Variants in RAPGEF5 observed in about 807,000 individuals in gnomAD.
RAPGEF5 encodes the protein M-Ras-regulated GEF.
Under a neutral mutation model 125.2 loss-of-function variants are expected in RAPGEF5, and 65 were observed. The observed-to-expected ratio is 0.52, with a 90% confidence interval of 0.43 to 0.64. The LOEUF (loss-of-function observed/expected upper bound fraction) is 0.64, where lower values mean the gene tolerates loss of function less well. RAPGEF5 is among the 30% of genes least tolerant of loss of function. RAPGEF5 has a pLI of 0.00. For synonymous variants in RAPGEF5, 391 were observed against 385.9 expected, an observed-to-expected ratio of 1.01 and a Z score of -0.16; for missense variants, 958 against 1,048.1, an observed-to-expected ratio of 0.91 and a Z score of 1.19.
intron 11 of RAPGEF5, chr7:22,191,354 A>T: frequency 3.0e-6 from 1 of 336,820 alleles, no homozygotes; most frequent in South Asian, 2.3e-5. Flanking sequence ...TTTTATATAC[A>T]CATTAATCAT....
At chr7:22,219,610 A>G (rs1412598670) in intron 9 of RAPGEF5, among the ~76,000 whole-genome samples, 1 of 152,080 alleles carries the variant, frequency 6.6e-6, no homozygotes, top group African/African-American at 2.4e-5. Flanking sequence ...ATAAGGATTC[A>G]TATTTGCTTA....
At chr7:22,162,615 AC>A in intron 12 of RAPGEF5, 74 bp from the exon 13 acceptor site, 1 of 1,388,770 alleles carries the variant, frequency 7.2e-7, no homozygotes, top group South Asian at 1.2e-5. Context: ...TCTTATTTTT[AC>A]AAAATATGTG....
intron 1 of RAPGEF5, among the ~76,000 whole-genome samples, chr7:22,329,839 G>A (rs1006374399): frequency 2.0e-5 from 3 of 152,108 alleles, no homozygotes; most frequent in South Asian, 2.1e-4. Context: ...GCAGGTACAA[G>A]ATATTTTTAT....
intron 14 of RAPGEF5, among the ~76,000 whole-genome samples, chr7:22,158,737 T>C (rs1241373265): frequency 6.6e-6 from 1 of 152,016 alleles, no homozygotes; most frequent in Non-Finnish European, 1.5e-5. Flanking sequence ...GTGATCCTCC[T>C]GCCTCAGCCT....
chr7:22,319,740 A>G (rs1783675855), intron 1 of RAPGEF5, among the ~76,000 whole-genome samples: 1 of 152,226 alleles, frequency 6.6e-6, no homozygotes, highest in Non-Finnish European at 1.5e-5. Context: ...TCACTATGGC[A>G]GACCAGAAAT....
At chr7:22,262,725 C>A (rs1027072087) in intron 7 of RAPGEF5, among the ~76,000 whole-genome samples, 1 of 128,824 alleles carries the variant, frequency 7.8e-6, no homozygotes, top group African/African-American at 3.1e-5. Flanking sequence ...ATGGTACATT[C>A]ATGCCACGGA....
At position 22,154,447 on chromosome 7, in the gene RAPGEF5, C is replaced by T. The variant is rs746401368; in HGVS notation, c.1786+8G>A. The T allele has an allele frequency of 6.2e-7, 1 of 1,612,954 alleles. No homozygotes were observed. The highest frequency in any genetic ancestry group is 8.5e-7 in the Non-Finnish European group (1 of 1,179,526). On this transcript the variant is annotated splice_region_variant and intron_variant, in intron 17 of 25. Transcript: ENST00000665637. ...AAGATTAATATTCAAGGGTAGAAAA[C>T]AACTTACCCCCAGAGAATGTGATGG... is the stretch of plus-strand genomic sequence containing the variant.
At chr7:22,345,606 C>T (rs1250998796) in intron 1 of RAPGEF5, among the ~76,000 whole-genome samples, 3 of 151,636 alleles carry the variant, frequency 2.0e-5, no homozygotes, top group Non-Finnish European at 2.9e-5. Flanking sequence ...ATATAAACCA[C>T]GACAGAGTGA....
chr7:22,209,662 AT>A (rs1785467302), intron 9 of RAPGEF5, among the ~76,000 whole-genome samples: 1 of 152,098 alleles, frequency 6.6e-6, no homozygotes, highest in Non-Finnish European at 1.5e-5. Flanking sequence ...GCCCACTTTC[AT>A]GAGTCACTAA....
chr7:22,314,696 T>G (rs1173005960), intron 3 of RAPGEF5: 1 of 865,650 alleles, frequency 1.2e-6, no homozygotes, highest in East Asian at 1.2e-4. Context: ...CTTTCATAGT[T>G]TTGGTATCAT....
Position 22,268,777 on chromosome 7 carries a change from T to C in RAPGEF5, c.748-1765A>G, listed in dbSNP as rs79651355. Among the ~76,000 whole-genome samples, 942 of 152,338 alleles carry C rather than the reference T, an allele frequency of 6.2e-3. 10 individuals carry two copies. The highest frequency in any genetic ancestry group is 0.022 in the African/African-American group (897 of 41,578). On this transcript the variant is annotated intron_variant, in intron 6 of 25. Coordinates refer to ENST00000665637, the MANE Select transcript of RAPGEF5 (RefSeq NM_012294.5). ...CCTCTTTTAATTTTCCACACCTGAA[T>C]TCCCTTTATGGGATTCTCAGTTTTT...
chr7:22,286,647 C>T (rs1782804710), intron 6 of RAPGEF5, among the ~76,000 whole-genome samples: 1 of 152,172 alleles, frequency 6.6e-6, no homozygotes, highest in Non-Finnish European at 1.5e-5. Context: ...CTTTTAAATG[C>T]TTCAAAGTTT....
chr7:22,171,680 G>A (rs1388062507), intron 11 of RAPGEF5, among the ~76,000 whole-genome samples: 2 of 152,288 alleles, frequency 1.3e-5, no homozygotes, highest in South Asian at 2.1e-4. Flanking sequence ...TGTATTTTTA[G>A]TAGAGATGGG....
Position 22,193,909 on chromosome 7 carries a change from T to C in RAPGEF5, c.1115+6A>G. The stretch of plus-strand genomic sequence containing the variant: ...CGTGCCTCTGTGGCTGCAGGGAAAC[T>C]CTCACCTCCAATGGCTCTCCGCACT... On this transcript the variant is annotated splice_donor_region_variant and intron_variant, in intron 10 of 25. Transcript: ENST00000665637. The C allele has an allele frequency of 6.2e-7, 1 of 1,613,316 alleles. No homozygotes were observed. Among genetic ancestry groups the C allele is most frequent in the Non-Finnish European group, 8.5e-7 (1 of 1,179,612 alleles).
chr7:22,224,561 T>C (rs1785870191), intron 8 of RAPGEF5, among the ~76,000 whole-genome samples: 1 of 152,170 alleles, frequency 6.6e-6, no homozygotes, highest in Non-Finnish European at 1.5e-5. Context: ...TTCTGTGGTT[T>C]AATCAGTGGT....
chr7:22,160,472 T>A, intron 14 of RAPGEF5, 46 bp downstream of exon 14: 1 of 1,509,582 alleles, frequency 6.6e-7, no homozygotes, highest in Non-Finnish European at 8.9e-7. Context: ...TCATATTTGC[T>A]GCTGTTTTCT....
chr7:22,137,624 T>G (rs1783118747), intron 21 of RAPGEF5, among the ~76,000 whole-genome samples: 1 of 152,188 alleles, frequency 6.6e-6, no homozygotes, highest in African/African-American at 2.4e-5. Flanking sequence ...CTTTCAATAT[T>G]GACTTAGTAA....
At chr7:22,168,334 A>G (rs528442853) in intron 11 of RAPGEF5, among the ~76,000 whole-genome samples, 53 of 152,312 alleles carry the variant, frequency 3.5e-4, no homozygotes, top group African/African-American at 1.2e-3. Context: ...ACTGTGGCCT[A>G]TGAACCAGGA....
intron 9 of RAPGEF5, among the ~76,000 whole-genome samples, chr7:22,203,556 T>C (rs1191533680): frequency 6.6e-6 from 1 of 152,194 alleles, no homozygotes; most frequent in Non-Finnish European, 1.5e-5. Context: ...CCAGCCACGG[T>C]CACCTGAAGT....
Sources: allele counts gnomAD v4.1 joint callset (sites outside exome capture counted in the v4.1 genomes callset), GRCh38; gene constraint gnomAD v4.1.1; transcripts MANE v1.5; gene names NCBI Gene and HGNC (gene_info 2026-07-23, HGNC 2026-07-21).